STK38: variants seen among roughly 807,000 people sequenced by gnomAD.
STK38 encodes the protein serine/threonine kinase 38.
A neutral mutation model predicts 59.0 loss-of-function variants in STK38; 26 were observed. The observed-to-expected ratio is 0.44, with a 90% CI of 0.32 to 0.61. The LOEUF (loss-of-function observed/expected upper bound fraction) is 0.61, where lower values mean the gene tolerates loss of function less well. Among genes scored for constraint, STK38 ranks in the 20% least tolerant of loss-of-function variants. The pLI, the probability that STK38 is intolerant of heterozygous loss-of-function variation, is 0.04. For missense variants in STK38, 433 were observed against 566.0 expected, an observed-to-expected ratio of 0.76 and a Z score of 2.38; for synonymous variants, 175 against 176.6, an observed-to-expected ratio of 0.99 and a Z score of 0.07.
chr6:36,534,493 TA>T (rs1275824620), intron 2 of STK38, among the ~76,000 whole-genome samples: 9 of 147,754 alleles, frequency 6.1e-5, no homozygotes, highest in Admixed American at 1.4e-4. Context: ...TACAAAAAGG[TA>T]AAAAAAAAAT....
chr6:36,530,112 G>T (rs1777630263), intron 2 of STK38, among the ~76,000 whole-genome samples: 1 of 151,860 alleles, frequency 6.6e-6, no homozygotes, highest in Non-Finnish European at 1.5e-5. Flanking sequence ...GTGGTGGCAC[G>T]TGCCTGTAAT....
chr6:36,529,666 C>CTA (rs1298033372), intron 2 of STK38, among the ~76,000 whole-genome samples: 1 of 152,146 alleles, frequency 6.6e-6, no homozygotes, highest in Admixed American at 6.5e-5. Flanking sequence ...AAGGCAGGGA[C>CTA]TATATCTGAA....
At chr6:36,521,599 A>G (rs1344741427) in intron 5 of STK38, 135 bp downstream of exon 5, 16 of 453,258 alleles carry the variant, frequency 3.5e-5, no homozygotes, top group Non-Finnish European at 5.5e-5. Context: ...GGAAAAAGGT[A>G]GTATTATATA....
At chr6:36,513,837 C>G (rs1777174159) in intron 7 of STK38, among the ~76,000 whole-genome samples, 1 of 120,884 alleles carries the variant, frequency 8.3e-6, no homozygotes. Flanking sequence ...GACCTCATCT[C>G]TACTAAAAAT....
At chr6:36,521,670 A>G in intron 5 of STK38, 64 bp downstream of exon 5, 1 of 1,284,318 alleles carries the variant, frequency 7.8e-7, no homozygotes, top group East Asian at 2.4e-5. Context: ...TCAATTAAAC[A>G]AAAAGAAAAG....
At chr6:36,508,667 C>A (rs1320679432) in intron 7 of STK38, among the ~76,000 whole-genome samples, 1 of 152,240 alleles carries the variant, frequency 6.6e-6, no homozygotes, top group African/African-American at 2.4e-5. Flanking sequence ...CTCATTCCGC[C>A]CACTCAGCCT....
chr6:36,510,343 T>C (rs977464793), intron 7 of STK38, among the ~76,000 whole-genome samples: 2 of 152,234 alleles, frequency 1.3e-5, no homozygotes, highest in African/African-American at 4.8e-5. Context: ...TGACCAGGTC[T>C]CAGTAGAACC....
At chr6:36,523,834 C>A (rs952373606) in intron 4 of STK38, among the ~76,000 whole-genome samples, 1 of 152,156 alleles carries the variant, frequency 6.6e-6, no homozygotes, top group Non-Finnish European at 1.5e-5. Context: ...CTGTATCAAT[C>A]TGGTGGGGAG....
intron 7 of STK38, among the ~76,000 whole-genome samples, chr6:36,508,135 T>C (rs1399225239): frequency 6.6e-6 from 1 of 151,972 alleles, no homozygotes; most frequent in East Asian, 1.9e-4. Context: ...AAGGTTTCCC[T>C]GTGTTTCCCA....
At chr6:36,515,891 A>G (rs932124400) in intron 6 of STK38, among the ~76,000 whole-genome samples, 1 of 152,256 alleles carries the variant, frequency 6.6e-6, no homozygotes, top group Non-Finnish European at 1.5e-5. Context: ...GCACTTCCAC[A>G]TACAATCTAT....
intron 2 of STK38, among the ~76,000 whole-genome samples, chr6:36,527,207 A>AAAAAAAAAAATATATATAT (rs60162863): frequency 1.6e-4 from 19 of 119,344 alleles, no homozygotes; most frequent in African/African-American, 6.3e-4. Context: ...AAAAAAAAAA[A>AAAAAAAAAAATATATATAT]ATATATGTAT....
intron 2 of STK38, among the ~76,000 whole-genome samples, chr6:36,539,731 T>A (rs981824372): frequency 1.3e-5 from 2 of 149,326 alleles, no homozygotes; most frequent in African/African-American, 4.9e-5. Context: ...AATCAACTCC[T>A]TGGATTGGGC....
At chr6:36,534,660 AC>A (rs1260183805) in intron 2 of STK38, among the ~76,000 whole-genome samples, 4 of 152,130 alleles carry the variant, frequency 2.6e-5, no homozygotes, top group African/African-American at 9.7e-5. Context: ...CTAAAAAAAA[AC>A]AATAAAAAAA....
intron 3 of STK38, 98 bp downstream of exon 3, chr6:36,525,493 C>T: frequency 1.7e-6 from 2 of 1,153,212 alleles, no homozygotes; most frequent in East Asian, 2.5e-5. Context: ...TGTTATTGAG[C>T]CAAAACCCTT....
At chr6:36,545,473 G>C (rs1778035588) in intron 1 of STK38, among the ~76,000 whole-genome samples, 1 of 152,030 alleles carries the variant, frequency 6.6e-6, no homozygotes, top group Non-Finnish European at 1.5e-5. Flanking sequence ...CTTAAGCAGA[G>C]TGTTTTTCAA....
chr6:36,518,928 C>G (rs1314316225), intron 5 of STK38, among the ~76,000 whole-genome samples: 2 of 152,148 alleles, frequency 1.3e-5, no homozygotes, highest in Admixed American at 6.5e-5. Context: ...AAATTTAGTC[C>G]ATGGCTGTTG....
At chr6:36,514,923 T>G (rs897221756) in intron 7 of STK38, among the ~76,000 whole-genome samples, 1 of 151,902 alleles carries the variant, frequency 6.6e-6, no homozygotes, top group Non-Finnish European at 1.5e-5. Context: ...ACCTGGACTT[T>G]GTTACAGGTT....
chr6:36,518,648 C>T (rs1483108561), intron 5 of STK38, among the ~76,000 whole-genome samples: 2 of 152,108 alleles, frequency 1.3e-5, no homozygotes, highest in African/African-American at 2.4e-5. Flanking sequence ...GCCTCAAACT[C>T]CTGGTCTAAA....
At chr6:36,530,279 T>G (rs1777633902) in intron 2 of STK38, among the ~76,000 whole-genome samples, 1 of 151,464 alleles carries the variant, frequency 6.6e-6, no homozygotes, top group African/African-American at 2.4e-5. Context: ...AGATCGAGAT[T>G]CTGTCAGGAA....
Sources: allele counts gnomAD v4.1 joint callset (sites outside exome capture counted in the v4.1 genomes callset), GRCh38; gene constraint gnomAD v4.1.1; transcripts MANE v1.5; gene names NCBI Gene and HGNC (gene_info 2026-07-23, HGNC 2026-07-21).